The following MYO9A variants were observed in gnomAD, a reference collection of about 807,000 sequenced individuals.
The protein encoded by MYO9A is unconventional myosin-IXa.
In MYO9A, 103 loss-of-function variants were observed where a neutral mutation model predicts 293.3. The ratio of observed to expected loss-of-function variants is 0.35; its 90% confidence interval spans 0.30 to 0.41. The LOEUF is 0.41. Ranked by LOEUF, MYO9A falls within the 10% of genes least tolerant of loss-of-function variation. The probability of loss-of-function intolerance (pLI) is 1.00; values close to 1 mark genes in which losing one functional copy is unlikely to be tolerated. For synonymous variants in MYO9A, 1,001 were observed against 1,035.7 expected, an observed-to-expected ratio of 0.97 and a Z score of 0.64; for missense variants, 2,685 against 3,033.0, an observed-to-expected ratio of 0.89 and a Z score of 2.69.
intron 9 of MYO9A, among the ~76,000 whole-genome samples, chr15:71,998,565 C>CTTTTTTTTTTTTTTT (rs11443228): frequency 1.4e-5 from 2 of 140,082 alleles, no homozygotes; most frequent in Non-Finnish European, 1.5e-5. Context: ...TTTTTTTTGT[C>CTTTTTTTTTTTTTTT]TTTTTTTTTC....
chr15:72,031,124 C>T (rs1205107659), intron 3 of MYO9A, among the ~76,000 whole-genome samples: 1 of 152,138 alleles, frequency 6.6e-6, no homozygotes. Flanking sequence ...TGAATCATTC[C>T]AAAACCATTC....
chr15:72,079,994 T>C (rs1362131123), intron 1 of MYO9A, among the ~76,000 whole-genome samples: 1 of 152,226 alleles, frequency 6.6e-6, no homozygotes, highest in Admixed American at 6.5e-5. Flanking sequence ...CAATAGTGAT[T>C]GATCAGGCAA....
chr15:72,028,240 A>ATATAT (rs1429916158), intron 3 of MYO9A, among the ~76,000 whole-genome samples: 16 of 79,696 alleles, frequency 2.0e-4, no homozygotes, highest in East Asian at 1.4e-3. Flanking sequence ...TATATATATA[A>ATATAT]ATATATATAT....
At chr15:72,028,783 T>A (rs929203481) in intron 3 of MYO9A, among the ~76,000 whole-genome samples, 1 of 152,206 alleles carries the variant, frequency 6.6e-6, no homozygotes, top group South Asian at 2.1e-4. Context: ...CTCAAAGATA[T>A]ACATAGTTTC....
chr15:71,914,197 T>G (rs941424097), intron 19 of MYO9A, among the ~76,000 whole-genome samples: 1 of 152,174 alleles, frequency 6.6e-6, no homozygotes, highest in African/African-American at 2.4e-5. Flanking sequence ...TTTGTTTGGG[T>G]TTCCTCTTCC....
Position 72,118,004 on chromosome 15 carries a change from TCG to T in MYO9A, c.-398_-397del, listed in dbSNP as rs2081066204. 9 of 398,688 alleles carry T rather than the reference TCG, an allele frequency of 2.3e-5. No individual in the cohort carries two copies. Among genetic ancestry groups the T allele is most frequent in the Non-Finnish European group, 4.0e-5 (9 of 226,430 alleles). The allele number at this position is 398,688 out of a possible 1,614,324, so 24.7% of individuals were successfully genotyped here. A position where few individuals can be genotyped will look rare whatever the true frequency, so the allele number is the denominator to read the frequency against. On this transcript the variant is annotated 5_prime_UTR_variant, in exon 1 of 42. Coordinates refer to ENST00000356056, the MANE Select transcript of MYO9A (RefSeq NM_006901.4). The stretch of plus-strand genomic sequence containing the variant: ...CAACTACTGCCTCCGCCGCCGCCTC[TCG>T]CAGTCCGGGCTGTCCTGTACTCTCT...
At position 71,859,724 on chromosome 15, in the gene MYO9A, T is replaced by C. The variant is rs2141657613; in HGVS notation, c.6153+11A>G. Reference sequence around the variant, plus strand: ...TCTGTTATCTATTACTGATAGGTGATAATTTCTTACCTTTTTAGAGCACTT... The same window carrying C: ...TCTGTTATCTATTACTGATAGGTGACAATTTCTTACCTTTTTAGAGCACTT... On this transcript the variant is annotated intron_variant, in intron 34 of 41. Coordinates refer to ENST00000356056, the MANE Select transcript of MYO9A (RefSeq NM_006901.4). 1 of 1,606,158 alleles carries C rather than the reference T, an allele frequency of 6.2e-7. No homozygotes were observed. The highest frequency in any genetic ancestry group is 8.5e-7 in the Non-Finnish European group (1 of 1,173,402).
At chr15:71,923,192 G>A (rs1254847501) in intron 18 of MYO9A, among the ~76,000 whole-genome samples, 1 of 152,110 alleles carries the variant, frequency 6.6e-6, no homozygotes, top group African/African-American at 2.4e-5. Flanking sequence ...ATTTGCATAT[G>A]TTAAACCATT....
intron 3 of MYO9A, among the ~76,000 whole-genome samples, chr15:72,028,218 A>ATATATATATATATATATAT (rs1555408278): frequency 3.6e-4 from 48 of 134,196 alleles, no homozygotes; most frequent in Non-Finnish European, 6.0e-4. Context: ...TAAATAAATA[A>ATATATATATATATATATAT]ATATATATAT....
At chr15:71,915,819 T>C (rs1175352520) in intron 19 of MYO9A, among the ~76,000 whole-genome samples, 17 of 152,130 alleles carry the variant, frequency 1.1e-4, no homozygotes, top group Admixed American at 1.1e-3. Flanking sequence ...TCTTAGGAGA[T>C]AGATGATTTG....
chr15:72,046,738 A>T (rs2078396053), intron 1 of MYO9A, 104 bp from the exon 2 acceptor site: 1 of 652,058 alleles, frequency 1.5e-6, no homozygotes, highest in Admixed American at 3.2e-5. Context: ...CTTCTAAAAC[A>T]CAAAATACTA....
chr15:72,106,530 CT>C (rs966448113), intron 1 of MYO9A, among the ~76,000 whole-genome samples: 8 of 152,042 alleles, frequency 5.3e-5, no homozygotes, highest in African/African-American at 1.4e-4. Context: ...AATAAAAATC[CT>C]TTTTTTATAT....
intron 34 of MYO9A, among the ~76,000 whole-genome samples, chr15:71,857,785 A>G (rs1331211608): frequency 6.6e-6 from 1 of 152,200 alleles, no homozygotes; most frequent in Non-Finnish European, 1.5e-5. Context: ...GAGCTTCTAC[A>G]CAGCAAAAGA....
intron 17 of MYO9A, 22 bp from the exon 18 acceptor site, chr15:71,933,731 T>G: frequency 6.4e-7 from 1 of 1,561,322 alleles, no homozygotes; most frequent in East Asian, 2.3e-5. Flanking sequence ...AATCATTCAT[T>G]AAAAAAAGCT....
At chr15:71,909,393 C>T (rs2057767646) in intron 19 of MYO9A, among the ~76,000 whole-genome samples, 1 of 152,190 alleles carries the variant, frequency 6.6e-6, no homozygotes, top group African/African-American at 2.4e-5. Flanking sequence ...TCCTGTTGCT[C>T]CACATTCTCA....
intron 1 of MYO9A, among the ~76,000 whole-genome samples, chr15:72,064,107 T>C (rs919670575): frequency 1.3e-5 from 2 of 151,992 alleles, no homozygotes; most frequent in Non-Finnish European, 2.9e-5. Context: ...GAGCTAAAAA[T>C]TAAAATAATT....
chr15:71,864,703 A>G (rs948118400), intron 32 of MYO9A, among the ~76,000 whole-genome samples: 7 of 152,204 alleles, frequency 4.6e-5, no homozygotes, highest in Non-Finnish European at 8.8e-5. Flanking sequence ...CTTCAAAAAC[A>G]TTATGCTAAA....
At chr15:72,064,787 C>T (rs1449781362) in intron 1 of MYO9A, among the ~76,000 whole-genome samples, 3 of 152,172 alleles carry the variant, frequency 2.0e-5, no homozygotes, top group Non-Finnish European at 4.4e-5. Flanking sequence ...CCAACTCTCC[C>T]TCAAAATGAT....
At position 71,852,251 on chromosome 15, in the gene MYO9A, C is replaced by T; in HGVS notation, c.6356G>A (p.Ser2119Asn). Reference sequence around the variant, plus strand: ...TATGTTATAGTCATCTAGATTTACACTCTCAGCATCTATTTAGAGACAAGA... The same window carrying T: ...TATGTTATAGTCATCTAGATTTACATTCTCAGCATCTATTTAGAGACAAGA... Reference protein sequence around the residue: ...LRQGLDTDAESVNLDDYNIHV... With the variant: ...LRQGLDTDAENVNLDDYNIHV... Residue 2119 changes from serine (S) to asparagine (N), a missense_variant, in exon 36 of 42, where the codon AGT becomes AAT. Transcript: ENST00000356056. 1.9e-6 allele frequency: 3 copies of T among 1,608,538 alleles called. No homozygotes were observed. Among genetic ancestry groups the T allele is most frequent in the African/African-American group, 2.7e-5 (2 of 74,932 alleles).
Sources: allele counts gnomAD v4.1 joint callset (sites outside exome capture counted in the v4.1 genomes callset), GRCh38; gene constraint gnomAD v4.1.1; transcripts MANE v1.5; gene names NCBI Gene and HGNC (gene_info 2026-07-23, HGNC 2026-07-21).